PRKRA: variants seen among roughly 807,000 people sequenced by gnomAD.
PRKRA encodes protein activator of interferon induced protein kinase EIF2AK2.
Under a neutral mutation model 32.4 loss-of-function variants are expected in PRKRA, and 22 were observed. The observed-to-expected ratio is 0.68, with a 90% CI of 0.49 to 0.97. PRKRA has a LOEUF of 0.97. Among genes scored for constraint, PRKRA ranks in the 50% least tolerant of loss-of-function variants. The pLI, the probability that PRKRA is intolerant of heterozygous loss-of-function variation, is 0.00. For missense variants in PRKRA, 319 were observed against 375.6 expected (o/e 0.85, Z 1.25); for synonymous variants, 139 against 129.8 (o/e 1.07, Z -0.48).
At chr2:178,442,450 A>AT in intron 5 of PRKRA, among the ~76,000 whole-genome samples, 1 of 152,328 alleles carries the variant, frequency 6.6e-6, no homozygotes, top group Admixed American at 6.5e-5. Flanking sequence ...AGAAAGGCAC[A>AT]GGGGATGGTG....
At chr2:178,449,658 C>A (rs1439965791) in intron 2 of PRKRA, among the ~76,000 whole-genome samples, 1 of 152,210 alleles carries the variant, frequency 6.6e-6, no homozygotes, top group Non-Finnish European at 1.5e-5. Flanking sequence ...CTCTCTGAAC[C>A]TGTTTCTTCT....
At chr2:178,441,387 T>C (rs1697108929) in intron 6 of PRKRA, among the ~76,000 whole-genome samples, 1 of 152,204 alleles carries the variant, frequency 6.6e-6, no homozygotes, top group African/African-American at 2.4e-5. Flanking sequence ...CGTCCTATTA[T>C]TCTGAATTTG....
chr2:178,444,402 C>T lies in PRKRA; in HGVS notation c.396+20G>A. 1 of 1,552,398 alleles carries T rather than the reference C, an allele frequency of 6.4e-7. No individual in the cohort carries two copies. Among genetic ancestry groups the T allele is most frequent in the African/African-American group, 1.4e-5 (1 of 73,282 alleles). On this transcript the variant is annotated intron_variant, in intron 4 of 7. Coordinates refer to ENST00000325748, the MANE Select transcript of PRKRA (RefSeq NM_003690.5). The stretch of plus-strand genomic sequence containing the variant: ...ACTTATTATATATTTCATCAGTAGG[C>T]AAAGAACTGTACAACTTACCTGTAA...
At chr2:178,432,648 A>G (rs1308681736) in intron 7 of PRKRA, among the ~76,000 whole-genome samples, 2 of 152,246 alleles carry the variant, frequency 1.3e-5, no homozygotes, top group Non-Finnish European at 2.9e-5. Flanking sequence ...CAAAAGGGAA[A>G]GAACCATTTG....
At chr2:178,448,573 CAG>C (rs1294284927) in intron 2 of PRKRA, among the ~76,000 whole-genome samples, 6 of 151,934 alleles carry the variant, frequency 3.9e-5, no homozygotes, top group Admixed American at 2.0e-4. Flanking sequence ...GCCTGGGTGA[CAG>C]AGTGAGACCC....
chr2:178,450,760 G>C, intron 1 of PRKRA: 13 of 1,345,724 alleles, frequency 9.7e-6, no homozygotes, highest in Non-Finnish European at 1.1e-5. Context: ...CGCCCCGCGC[G>C]CCGCCAGGGA....
At chr2:178,432,329 A>G (rs1265817900) in intron 7 of PRKRA, 75 bp from the exon 8 acceptor site, 9 of 1,293,952 alleles carry the variant, frequency 7.0e-6, no homozygotes, top group Non-Finnish European at 9.2e-6. Flanking sequence ...AAACAATACA[A>G]TTCTTATTAT....
intron 6 of PRKRA, chr2:178,439,415 T>C (rs1697031325): frequency 6.6e-6 from 1 of 152,206 alleles, no homozygotes; most frequent in African/African-American, 2.4e-5. Context: ...GGTTGTTACC[T>C]ACATAACTCT....
chr2:178,450,120 TCA>T (rs907094493), intron 2 of PRKRA, 120 bp downstream of exon 2: 9 of 1,257,250 alleles, frequency 7.2e-6, no homozygotes, highest in African/African-American at 4.4e-5. Flanking sequence ...ATGAGAGGTC[TCA>T]GTTTCAGAGC....
At chr2:178,439,344 T>C (rs1697028893) in intron 6 of PRKRA, 1 of 152,238 alleles carries the variant, frequency 6.6e-6, no homozygotes, top group Admixed American at 6.5e-5. Flanking sequence ...TTGCCCCTTC[T>C]CCACCTTCAG....
chr2:178,447,473 T>C, intron 3 of PRKRA, 32 bp downstream of exon 3: 1 of 1,208,980 alleles, frequency 8.3e-7, no homozygotes, highest in Non-Finnish European at 1.1e-6. Flanking sequence ...ATGATATTTT[T>C]GAGCTGCTGA....
rs759913293 is a variant in PRKRA, at chr2:178,432,067, T to C, written c.*30A>G. The C allele has an allele frequency of 6.2e-7, 1 of 1,612,508 alleles. No individual in the cohort carries two copies. The highest frequency in any genetic ancestry group is 8.5e-7 in the Non-Finnish European group (1 of 1,178,728). Reference sequence around the variant, plus strand: ...GGCCAGAGGGGAACTTTTTATGTGCTACTGAAAGATTTTTTAAGTTGCTCC... The same window carrying C: ...GGCCAGAGGGGAACTTTTTATGTGCCACTGAAAGATTTTTTAAGTTGCTCC... On this transcript the variant is annotated 3_prime_UTR_variant, in exon 8 of 8. Transcript: ENST00000325748.
At chr2:178,447,921 C>G (rs918076803) in intron 2 of PRKRA, among the ~76,000 whole-genome samples, 3 of 152,328 alleles carry the variant, frequency 2.0e-5, no homozygotes, top group African/African-American at 7.2e-5. Flanking sequence ...TGTCACACCT[C>G]TGAAGAAATG....
At chr2:178,435,563 T>C (rs1285241654) in intron 7 of PRKRA, among the ~76,000 whole-genome samples, 1 of 152,144 alleles carries the variant, frequency 6.6e-6, no homozygotes, top group Non-Finnish European at 1.5e-5. Context: ...GATAAAACTA[T>C]AAATTGACTT....
chr2:178,443,233 A>G (rs754679889), intron 5 of PRKRA, 34 bp downstream of exon 5: 4 of 704,476 alleles, frequency 5.7e-6, no homozygotes, highest in Non-Finnish European at 6.3e-6. Context: ...ATCTGAAAAT[A>G]TTTCAAATGC....
chr2:178,444,520 G>A lies in PRKRA; in HGVS notation c.318-20C>T, dbSNP rs1486752548. On this transcript the variant is annotated intron_variant, in intron 3 of 7. Transcript: ENST00000325748. ...GCAAAGCTAAATATTTTTTAAAAGT[G>A]TTATAAAACAAAATAATTTCCCCCG... The A allele has an allele frequency of 1.4e-6, 1 of 725,830 alleles. No individual in the cohort carries two copies. Among genetic ancestry groups the A allele is most frequent in the East Asian group, 5.5e-5 (1 of 18,290 alleles). The allele number at this position is 725,830 out of a possible 1,614,324, so 45.0% of individuals were successfully genotyped here. A position where few individuals can be genotyped will look rare whatever the true frequency, so the allele number is the denominator to read the frequency against.
At position 178,432,118 on chromosome 2, in the gene PRKRA, C is replaced by T; in HGVS notation, c.921G>A (p.Lys307=). Residue 307 remains lysine (K), a synonymous_variant, in exon 8 of 8, where the codon AAG becomes AAA. Transcript: ENST00000325748. ...AGATTTACTTTCTTTCTGCTATTAT[C>T]TTTAAATACTGCAAAGCATTGTGAG... ...DAAHNALQYL[K]IIAERK 14 of 1,614,180 alleles carry T rather than the reference C, an allele frequency of 8.7e-6. No individual in the cohort carries two copies. The highest frequency in any genetic ancestry group is 1.2e-5 in the Non-Finnish European group (14 of 1,180,028).
chr2:178,435,482 C>T lies in PRKRA; in HGVS notation c.784+663G>A, dbSNP rs183619414. Reference sequence around the variant, plus strand: ...AGAAAATCCATACTGACTTGCTTTCCCATCTGTCCATATTTGTCTATCCAA... The same window carrying T: ...AGAAAATCCATACTGACTTGCTTTCTCATCTGTCCATATTTGTCTATCCAA... On this transcript the variant is annotated intron_variant, in intron 7 of 7. Transcript: ENST00000325748. 2.0e-5 allele frequency among the ~76,000 whole-genome samples: 3 copies of T among 152,128 alleles called. No individual in the cohort carries two copies. The East Asian group carries it at 5.8e-4, about 29-fold the overall frequency.
intron 7 of PRKRA, among the ~76,000 whole-genome samples, chr2:178,432,554 TAAAAAAATAACAGCTCCC>T (rs1395214706): frequency 6.6e-6 from 1 of 152,098 alleles, no homozygotes. Context: ...TTCCTACACT[TAAAAAAATAACAGCTCCC>T]AAGGCAATTC....
Sources: gnomAD v4.1 joint callset for allele counts (sites outside exome capture counted in the v4.1 genomes callset) on GRCh38, gnomAD v4.1.1 for gene constraint, MANE v1.5 for transcripts, NCBI Gene and HGNC (gene_info 2026-07-23, HGNC 2026-07-21) for gene names.